Variants in NAPB observed in about 807,000 individuals in gnomAD.
The protein encoded by NAPB is beta-soluble NSF attachment protein.
Under a neutral mutation model 44.7 loss-of-function variants are expected in NAPB, and 26 were observed. The ratio of observed to expected loss-of-function variants is 0.58; its 90% confidence interval spans 0.43 to 0.81. NAPB has a LOEUF of 0.81. Among genes scored for constraint, NAPB ranks in the 30% least tolerant of loss-of-function variants. The pLI is 0.00. For missense variants in NAPB, 315 were observed against 356.4 expected, an observed-to-expected ratio of 0.88 and a Z score of 0.94; for synonymous variants, 120 against 116.8, an observed-to-expected ratio of 1.03 and a Z score of -0.18.
At position 23,379,847 on chromosome 20, in the gene NAPB, A is replaced by G. The variant is rs1982855793; in HGVS notation, c.735+20T>C. On this transcript the variant is annotated intron_variant, in intron 9 of 10. Coordinates refer to ENST00000377026, the MANE Select transcript of NAPB (RefSeq NM_022080.3). ...TAACAGAACAAAAGCATTTTTCTTC[A>G]AAGTTCTAATATTACTTACTTTCAA... is the stretch of plus-strand genomic sequence containing the variant. The G allele has an allele frequency of 6.3e-7, 1 of 1,585,644 alleles. No homozygotes were observed. Among genetic ancestry groups the G allele is most frequent in the Non-Finnish European group, 8.7e-7 (1 of 1,156,002 alleles).
chr20:23,392,132 T>G (rs1278990626), intron 5 of NAPB, among the ~76,000 whole-genome samples: 1 of 152,238 alleles, frequency 6.6e-6, no homozygotes, highest in Non-Finnish European at 1.5e-5. Context: ...GGCTCAGGGC[T>G]GTGATGGTGA....
At position 23,395,006 on chromosome 20, in the gene NAPB, G is replaced by GA. The variant is rs774529811; in HGVS notation, c.343-8dup. 1 of 1,613,966 alleles carries GA rather than the reference G, an allele frequency of 6.2e-7. No homozygotes were observed. The highest frequency in any genetic ancestry group is 2.2e-5 in the East Asian group (1 of 44,888). On this transcript the variant is annotated splice_region_variant and splice_polypyrimidine_tract_variant and intron_variant, in intron 4 of 10. Transcript: ENST00000377026. Reference sequence around the variant, plus strand: ...CTGCAATTGTAAACCTTCCCTAGGGGAAAAAACAAGAAACAGTCACACACC... The same window carrying GA: ...CTGCAATTGTAAACCTTCCCTAGGGGAAAAAAACAAGAAACAGTCACACACC...
chr20:23,388,426 G>A lies in NAPB; in HGVS notation c.561+1520C>T, dbSNP rs571749600. On this transcript the variant is annotated intron_variant, in intron 7 of 10. Coordinates refer to ENST00000377026, the MANE Select transcript of NAPB (RefSeq NM_022080.3). ...GACAAGCTGATCCTAATATTCGGAT[G>A]AAAATGCAAGGGATCTGGAATAGCC... Among the ~76,000 whole-genome samples, 6 of 152,260 alleles carry A rather than the reference G, an allele frequency of 3.9e-5. No individual in the cohort carries two copies. In the South Asian group the frequency reaches 1.0e-3, roughly 26 times the overall value.
chr20:23,419,359 GGGA>G (rs1203266811), intron 1 of NAPB, among the ~76,000 whole-genome samples: 5 of 152,154 alleles, frequency 3.3e-5, no homozygotes, highest in African/African-American at 1.2e-4. Context: ...ACATTTAAAA[GGGA>G]GATGTTTCTT....
At chr20:23,390,593 C>T (rs1191816092) in intron 5 of NAPB, among the ~76,000 whole-genome samples, 1 of 152,232 alleles carries the variant, frequency 6.6e-6, no homozygotes, top group Non-Finnish European at 1.5e-5. Flanking sequence ...AGGCTTGGGC[C>T]ATATATCTCA....
intron 1 of NAPB, among the ~76,000 whole-genome samples, chr20:23,410,671 C>T (rs1600597232): frequency 2.0e-5 from 3 of 151,954 alleles, no homozygotes; most frequent in Admixed American, 2.0e-4. Flanking sequence ...ATATGTACCC[C>T]CTGACTCTAA....
At chr20:23,392,822 C>CT (rs951289309) in intron 5 of NAPB, among the ~76,000 whole-genome samples, 50 of 147,840 alleles carry the variant, frequency 3.4e-4, no homozygotes, top group South Asian at 1.9e-3. Context: ...TGTACCTGGC[C>CT]TTTTTTTTTT....
chr20:23,375,310 G>C lies in NAPB; in HGVS notation c.*2066C>G, dbSNP rs1982420910. On this transcript the variant is annotated 3_prime_UTR_variant, in exon 11 of 11. Transcript: ENST00000377026. ...TTAAAAAAAAATACCCCTTCAGACG[G>C]GTCTGTTGGAGTATAATGATGAAAG... 6.6e-6 allele frequency: 1 copy of C among 152,032 alleles called. No individual in the cohort carries two copies. The allele number at this position is 152,032 out of a possible 1,614,324, so 9.4% of individuals were successfully genotyped here.
At chr20:23,412,586 A>T (rs1985729015) in intron 1 of NAPB, among the ~76,000 whole-genome samples, 1 of 152,250 alleles carries the variant, frequency 6.6e-6, no homozygotes, top group South Asian at 2.1e-4. Context: ...CTTATAAGAA[A>T]GCAGATATTA....
intron 8 of NAPB, 134 bp from the exon 9 acceptor site, chr20:23,380,069 G>C: frequency 1.7e-6 from 1 of 584,854 alleles, no homozygotes; most frequent in South Asian, 2.9e-5. Context: ...CTCAAAAGCA[G>C]AATCAACATA....
At chr20:23,404,337 G>C (rs532137234) in intron 1 of NAPB, among the ~76,000 whole-genome samples, 16 of 152,212 alleles carry the variant, frequency 1.1e-4, no homozygotes, top group Non-Finnish European at 2.4e-4. Context: ...GACACTGGAT[G>C]CTGGGCCTGG....
At chr20:23,392,776 G>GC (rs1366151681) in intron 5 of NAPB, among the ~76,000 whole-genome samples, 1 of 151,834 alleles carries the variant, frequency 6.6e-6, no homozygotes, top group Non-Finnish European at 1.5e-5. Context: ...TCCTGCCTTG[G>GC]CCTCCCAAAG....
chr20:23,389,719 G>A (rs1175355409), intron 7 of NAPB, among the ~76,000 whole-genome samples: 1 of 152,122 alleles, frequency 6.6e-6, no homozygotes, highest in Non-Finnish European at 1.5e-5. Context: ...TGTCTTCCAG[G>A]GACTAGGAGG....
chr20:23,387,116 CAAAT>C (rs1364208976), intron 7 of NAPB, among the ~76,000 whole-genome samples: 1 of 151,934 alleles, frequency 6.6e-6, no homozygotes, highest in African/African-American at 2.4e-5. Flanking sequence ...AAAAGTCTGA[CAAAT>C]AAAGGACAAA....
At chr20:23,401,334 T>C (rs1363604268) in intron 2 of NAPB, among the ~76,000 whole-genome samples, 1 of 152,192 alleles carries the variant, frequency 6.6e-6, no homozygotes, top group Non-Finnish European at 1.5e-5. Flanking sequence ...GTTATTTATA[T>C]CCTATCCTAC....
chr20:23,383,696 G>A (rs1226721176), intron 7 of NAPB, among the ~76,000 whole-genome samples: 1 of 152,198 alleles, frequency 6.6e-6, no homozygotes. Flanking sequence ...AATGACAAAA[G>A]GAGGTTCTCT....
At chr20:23,395,305 G>T in intron 3 of NAPB, 120 bp from the exon 4 acceptor site, 2 of 1,018,700 alleles carry the variant, frequency 2.0e-6, no homozygotes, top group Non-Finnish European at 2.9e-6. Flanking sequence ...GGAGTGGAGG[G>T]TGGGCAGGTT....
chr20:23,382,547 G>A (rs898202145), intron 7 of NAPB, among the ~76,000 whole-genome samples: 2 of 151,598 alleles, frequency 1.3e-5, no homozygotes, highest in African/African-American at 2.4e-5. Context: ...CAAAAAGCAA[G>A]TACAATAACA....
intron 1 of NAPB, among the ~76,000 whole-genome samples, chr20:23,412,603 C>T (rs989372766): frequency 8.6e-5 from 13 of 151,864 alleles, no homozygotes; most frequent in African/African-American, 2.9e-4. Flanking sequence ...ATTAATATGC[C>T]CCCCAAAACA....
Sources: gnomAD v4.1 joint callset for allele counts (sites outside exome capture counted in the v4.1 genomes callset) on GRCh38, gnomAD v4.1.1 for gene constraint, MANE v1.5 for transcripts, NCBI Gene and HGNC (gene_info 2026-07-23, HGNC 2026-07-21) for gene names.